IQCM: variants seen among roughly 807,000 people sequenced by gnomAD.
IQCM encodes the protein IQ motif containing M, also known as IQ domain-containing protein M.
A neutral mutation model predicts 57.6 loss-of-function variants in IQCM; 45 were observed. That is an observed-to-expected ratio of 0.78 (90% confidence interval 0.62 to 1.00). IQCM has a LOEUF of 1.00. Ranked by LOEUF, IQCM falls within the 50% of genes least tolerant of loss-of-function variation. The pLI is 0.00. For missense variants in IQCM, 468 were observed against 511.6 expected, an observed-to-expected ratio of 0.91 and a Z score of 0.82; for synonymous variants, 148 against 158.9, an observed-to-expected ratio of 0.93 and a Z score of 0.51.
At chr4:149,681,859 T>C (rs948786692) in intron 7 of IQCM, among the ~76,000 whole-genome samples, 2 of 151,196 alleles carry the variant, frequency 1.3e-5, no homozygotes, top group African/African-American at 4.8e-5. Flanking sequence ...ACTTTTAAAA[T>C]TACAAATTTT....
chr4:149,602,510 C>G (rs535450366), intron 8 of IQCM, among the ~76,000 whole-genome samples: 21 of 152,080 alleles, frequency 1.4e-4, no homozygotes, highest in Admixed American at 2.6e-4. Context: ...TGTCCACGGC[C>G]AAATTTATGG....
At chr4:149,702,508 T>C (rs1410776170) in intron 5 of IQCM, among the ~76,000 whole-genome samples, 2 of 151,912 alleles carry the variant, frequency 1.3e-5, no homozygotes, top group Non-Finnish European at 2.9e-5. Flanking sequence ...TGACATAAAT[T>C]AAGCACTCAG....
chr4:149,380,390 C>T (rs993620071), intron 13 of IQCM, among the ~76,000 whole-genome samples: 1 of 152,056 alleles, frequency 6.6e-6, no homozygotes, highest in Admixed American at 6.6e-5. Context: ...CCTATTATTC[C>T]AGATGTAATT....
intron 13 of IQCM, among the ~76,000 whole-genome samples, chr4:149,411,459 T>C (rs1360975645): frequency 1.3e-5 from 2 of 152,176 alleles, no homozygotes; most frequent in African/African-American, 4.8e-5. Context: ...TGACAAATTA[T>C]GTATTAACTA....
At chr4:149,436,178 C>T (rs1055968685) in intron 12 of IQCM, among the ~76,000 whole-genome samples, 1 of 152,068 alleles carries the variant, frequency 6.6e-6, no homozygotes, top group African/African-American at 2.4e-5. Context: ...GTTTTGGATA[C>T]TGTATTTTTA....
intron 2 of IQCM, among the ~76,000 whole-genome samples, chr4:149,783,891 A>G (rs1771841787): frequency 6.6e-6 from 1 of 152,136 alleles, no homozygotes. Context: ...CCTCAATCAT[A>G]TAACTGCAAG....
rs573792781 is a variant in IQCM, at chr4:149,663,648, G to A, written c.565+18470C>T. ...TTGGTTTTCTTTTTTTTAGTATGTT[G>A]AATATACCATTCTCTTCTAGCCTGG... On this transcript the variant is annotated intron_variant, in intron 7 of 13. Transcript: ENST00000636793. Among the ~76,000 whole-genome samples, 73 of 151,930 alleles carry A rather than the reference G, an allele frequency of 4.8e-4. 1 individual carries two copies. The South Asian group carries it at 0.015, about 32-fold the overall frequency.
chr4:149,739,618 T>G (rs1441895573), intron 3 of IQCM, among the ~76,000 whole-genome samples: 1 of 152,134 alleles, frequency 6.6e-6, no homozygotes, highest in East Asian at 1.9e-4. Context: ...ATACATAGGA[T>G]TCTTCATGTT....
chr4:149,631,111 G>C (rs1042498942), intron 7 of IQCM, among the ~76,000 whole-genome samples: 1 of 152,152 alleles, frequency 6.6e-6, no homozygotes, highest in African/African-American at 2.4e-5. Context: ...GCTCCAATAA[G>C]AGATCCTGGG....
At chr4:149,475,694 G>A (rs1238589272) in intron 12 of IQCM, among the ~76,000 whole-genome samples, 2 of 151,646 alleles carry the variant, frequency 1.3e-5, no homozygotes, top group Non-Finnish European at 2.9e-5. Flanking sequence ...GAGAAAAGAG[G>A]ATGAAAGCCA....
intron 5 of IQCM, among the ~76,000 whole-genome samples, chr4:149,732,873 C>T (rs1333527673): frequency 2.0e-5 from 3 of 152,162 alleles, no homozygotes; most frequent in Non-Finnish European, 2.9e-5. Flanking sequence ...AGGAAACACG[C>T]TCACGAGTAA....
At chr4:149,367,191 T>C (rs138328936) in intron 13 of IQCM, among the ~76,000 whole-genome samples, 191 of 152,084 alleles carry the variant, frequency 1.3e-3, no homozygotes, top group African/African-American at 4.2e-3. Flanking sequence ...CAGCAACTCA[T>C]TGGAAACCAT....
intron 12 of IQCM, among the ~76,000 whole-genome samples, chr4:149,460,227 A>C (rs1738131578): frequency 6.6e-6 from 1 of 152,126 alleles, no homozygotes; most frequent in Non-Finnish European, 1.5e-5. Flanking sequence ...ACTTTGGAGA[A>C]ATGTTTAATC....
At chr4:149,551,358 C>T (rs1023411557) in intron 11 of IQCM, among the ~76,000 whole-genome samples, 2 of 152,118 alleles carry the variant, frequency 1.3e-5, no homozygotes, top group Non-Finnish European at 2.9e-5. Context: ...ACAGAAATCA[C>T]ATTAATTATT....
At chr4:149,423,057 C>A (rs1319161205) in intron 13 of IQCM, among the ~76,000 whole-genome samples, 2 of 151,860 alleles carry the variant, frequency 1.3e-5, no homozygotes, top group South Asian at 2.1e-4. Context: ...TTTTAATTAT[C>A]ATTATTTTAG....
chr4:149,814,712 T>G (rs1774895021), intron 2 of IQCM, among the ~76,000 whole-genome samples: 1 of 152,008 alleles, frequency 6.6e-6, no homozygotes, highest in African/African-American at 2.4e-5. Context: ...TTAATTTCTC[T>G]GAATAATTTC....
chr4:149,436,835 C>G (rs1157122828), intron 12 of IQCM, among the ~76,000 whole-genome samples: 2 of 152,066 alleles, frequency 1.3e-5, no homozygotes, highest in Admixed American at 1.3e-4. Flanking sequence ...GCCACATATG[C>G]AATATCTGAA....
rs548525374 is a variant in IQCM at position 149,618,338 on chromosome 4, C to T, written c.681+2791G>A. On this transcript the variant is annotated intron_variant, in intron 8 of 13. Transcript: ENST00000636793. The stretch of plus-strand genomic sequence containing the variant: ...AACTGGACCCCTATCTCTCACTATG[C>T]ACAAAAGTTAACTCAAGATGGATTA... Among the ~76,000 whole-genome samples the T allele has an allele frequency of 5.4e-4, 82 of 152,128 alleles. 1 individual carries two copies. The South Asian group carries it at 0.015, about 29-fold the overall frequency.
chr4:149,656,440 A>T (rs1759644923), intron 7 of IQCM, among the ~76,000 whole-genome samples: 1 of 152,140 alleles, frequency 6.6e-6, no homozygotes, highest in South Asian at 2.1e-4. Flanking sequence ...TGACCATAGA[A>T]TTAAAAGGGC....
Sources: allele counts gnomAD v4.1 joint callset (sites outside exome capture counted in the v4.1 genomes callset), GRCh38; gene constraint gnomAD v4.1.1; transcripts MANE v1.5; gene names NCBI Gene and HGNC (gene_info 2026-07-23, HGNC 2026-07-21).